FARP2: variants seen among roughly 807,000 people sequenced by gnomAD.
The protein encoded by FARP2 is FERM, ARH/RhoGEF and pleckstrin domain protein 2.
In FARP2, 111 loss-of-function variants were observed where a neutral mutation model predicts 130.5. The observed-to-expected ratio is 0.85, with a 90% CI of 0.73 to 1.00. The LOEUF is 1.00. Ranked by LOEUF, FARP2 falls within the 50% of genes least tolerant of loss-of-function variation. The probability of loss-of-function intolerance (pLI) is 0.00; values close to 1 mark genes in which losing one functional copy is unlikely to be tolerated. For synonymous variants in FARP2, 504 were observed against 516.9 expected (o/e 0.98, Z 0.34); for missense variants, 1,385 against 1,346.3 (o/e 1.03, Z -0.45).
chr2:241,432,854 G>A (rs898110592), intron 9 of FARP2, among the ~76,000 whole-genome samples: 3 of 152,226 alleles, frequency 2.0e-5, no homozygotes, highest in Non-Finnish European at 4.4e-5. Context: ...GGCCATGCCT[G>A]TGTCAGCCCA....
intron 12 of FARP2, among the ~76,000 whole-genome samples, chr2:241,437,822 G>A (rs560451764): frequency 8.6e-5 from 13 of 151,852 alleles, no homozygotes; most frequent in African/African-American, 2.4e-4. Context: ...CCGCCACCAC[G>A]CCTGGCTAAT....
At chr2:241,440,057 A>T (rs1379746138) in intron 12 of FARP2, among the ~76,000 whole-genome samples, 1 of 152,240 alleles carries the variant, frequency 6.6e-6, no homozygotes, top group East Asian at 1.9e-4. Flanking sequence ...TGAATAATTG[A>T]GACATGATAA....
chr2:241,490,466 C>G (rs572532037), intron 22 of FARP2, among the ~76,000 whole-genome samples: 1 of 152,310 alleles, frequency 6.6e-6, no homozygotes, highest in African/African-American at 2.4e-5. Flanking sequence ...AACACTGCCT[C>G]CCAGTCCCAG....
chr2:241,385,828 CACTT>C (rs1258887175), intron 2 of FARP2, among the ~76,000 whole-genome samples: 2 of 152,154 alleles, frequency 1.3e-5, no homozygotes, highest in South Asian at 2.1e-4. Flanking sequence ...ACATTTTTTG[CACTT>C]ACTTATGCAC....
intron 12 of FARP2, 86 bp downstream of exon 12, chr2:241,436,624 C>A: frequency 1.9e-6 from 2 of 1,073,240 alleles, no homozygotes; most frequent in South Asian, 1.3e-5. Flanking sequence ...TAACAAGAGT[C>A]TTAAAATTAA....
At chr2:241,386,224 C>G (rs921914691) in intron 2 of FARP2, among the ~76,000 whole-genome samples, 7 of 151,994 alleles carry the variant, frequency 4.6e-5, no homozygotes, top group African/African-American at 1.7e-4. Context: ...TTCCAAGTGC[C>G]CCACCACACC....
chr2:241,408,541 CA>C (rs11292791), intron 5 of FARP2, among the ~76,000 whole-genome samples: 82,587 of 137,380 alleles, frequency 0.6, 23,968 homozygotes, highest in Middle Eastern at 0.74. Context: ...AACTCTGTCT[CA>C]AAAAAAAAAA....
intron 2 of FARP2, among the ~76,000 whole-genome samples, chr2:241,382,901 G>C (rs2061694485): frequency 6.6e-6 from 1 of 152,096 alleles, no homozygotes; most frequent in Admixed American, 6.6e-5. Flanking sequence ...GGTGTTTTTG[G>C]TCTACATCAT....
intron 1 of FARP2, among the ~76,000 whole-genome samples, chr2:241,366,138 TACACACACAC>T (rs1445444373): frequency 2.2e-5 from 3 of 138,426 alleles, no homozygotes; most frequent in Admixed American, 7.9e-5. Context: ...TATATATATA[TACACACACAC>T]ATATATATTT....
chr2:241,442,634 G>T, intron 13 of FARP2: 12 of 332,700 alleles, frequency 3.6e-5, no homozygotes, highest in East Asian at 8.1e-5. Context: ...TTCATTTCAT[G>T]GATAGATATT....
In FARP2 at chr2:241,436,499, C is replaced by T; in HGVS notation, c.1119C>T (p.His373=). 1 of 1,614,222 alleles carries T rather than the reference C, an allele frequency of 6.2e-7. No individual in the cohort carries two copies. The highest frequency in any genetic ancestry group is 8.5e-7 in the Non-Finnish European group (1 of 1,180,038). Residue 373 remains histidine (H), a synonymous_variant, in exon 12 of 27, where the codon CAC becomes CAT. Coordinates refer to ENST00000264042, the MANE Select transcript of FARP2 (RefSeq NM_014808.4). ...TTTGCAGAAGGCACAGCAAGACCCACACGTCCGTTCGAGCTCTGACTGCAG... is the reference window on the plus strand; with the variant it reads ...TTTGCAGAAGGCACAGCAAGACCCATACGTCCGTTCGAGCTCTGACTGCAG... ...IPYERRHSKT[H]TSVRALTADL...
At chr2:241,402,269 A>C (rs1190590930) in intron 2 of FARP2, among the ~76,000 whole-genome samples, 1 of 152,074 alleles carries the variant, frequency 6.6e-6, no homozygotes, top group African/African-American at 2.4e-5. Flanking sequence ...TCTTCCCAGC[A>C]CTCTGTGAAA....
chr2:241,434,181 A>G lies in FARP2; in HGVS notation c.891A>G (p.Glu297=). 1 of 1,612,088 alleles carries G rather than the reference A, an allele frequency of 6.2e-7. No homozygotes were observed. Among genetic ancestry groups the G allele is most frequent in the Non-Finnish European group, 8.5e-7 (1 of 1,179,206 alleles). The change falls in exon 10 of 27, where the codon GAA becomes GAG. Residue 297 remains glutamate, a synonymous_variant. Transcript: ENST00000264042. ...EVHGPYQDTL[E]FLLGSRDECK... The stretch of plus-strand genomic sequence containing the variant: ...AGGGACCTTACCAGGACACATTAGA[A>G]TTTTTGTTGGGTAGTAGAGATGAAT...
chr2:241,466,443 T>A, intron 17 of FARP2: 1 of 985,430 alleles, frequency 1.0e-6, no homozygotes, highest in South Asian at 4.7e-5. Flanking sequence ...CACTCACCAC[T>A]GCCAGGCAGG....
chr2:241,463,251 C>T (rs2064072882), intron 15 of FARP2, 84 bp from the exon 16 acceptor site: 6 of 1,492,300 alleles, frequency 4.0e-6, no homozygotes. Context: ...CACTGGGTGA[C>T]CTATGGCTAC....
chr2:241,484,526 T>C (rs2064705038), intron 21 of FARP2, among the ~76,000 whole-genome samples, 195 bp downstream of exon 21: 1 of 152,222 alleles, frequency 6.6e-6, no homozygotes, highest in Non-Finnish European at 1.5e-5. Context: ...ATTGTTGTTA[T>C]TGATGCTCAA....
chr2:241,394,807 C>T (rs919447295), intron 2 of FARP2, among the ~76,000 whole-genome samples: 1 of 152,192 alleles, frequency 6.6e-6, no homozygotes, highest in Non-Finnish European at 1.5e-5. Context: ...AAAGGGCTCT[C>T]CCTCTCATCT....
chr2:241,465,421 TTCCACCTTGGCTGC>T, intron 17 of FARP2: 4 of 1,520,058 alleles, frequency 2.6e-6, no homozygotes, highest in Non-Finnish European at 3.6e-6. Context: ...TGGGACTTGT[TTCCACCTTGGCTGC>T]TAGGCTCATA....
At chr2:241,457,967 A>G (rs1486544880) in intron 14 of FARP2, among the ~76,000 whole-genome samples, 2 of 152,118 alleles carry the variant, frequency 1.3e-5, no homozygotes, top group Admixed American at 6.5e-5. Flanking sequence ...AGTGTCCCCT[A>G]TGGGTCTCTT....
Sources: allele counts gnomAD v4.1 joint callset (sites outside exome capture counted in the v4.1 genomes callset), GRCh38; gene constraint gnomAD v4.1.1; transcripts MANE v1.5; gene names NCBI Gene and HGNC (gene_info 2026-07-23, HGNC 2026-07-21).